Variants in EPHA5 observed in about 807,000 individuals in gnomAD.
EPHA5 encodes the protein ephrin type-A receptor 5.
EPHA5 carries 60 observed loss-of-function variants against 105.0 expected under a neutral mutation model. The observed-to-expected ratio is 0.57, with a 90% CI of 0.46 to 0.71. The LOEUF is 0.71. Ranked by LOEUF, EPHA5 falls within the 30% of genes least tolerant of loss-of-function variation. EPHA5 has a pLI of 0.00. For synonymous variants in EPHA5, 513 were observed against 449.1 expected (o/e 1.14, Z -1.80); for missense variants, 1,218 against 1,274.7 (o/e 0.96, Z 0.68).
intron 11 of EPHA5, among the ~76,000 whole-genome samples, chr4:65,358,391 C>T (rs1723509855): frequency 1.3e-5 from 2 of 151,432 alleles, no homozygotes; most frequent in Admixed American, 1.3e-4. Flanking sequence ...AAAAGTAAGC[C>T]TCTGCTTATA....
chr4:65,364,068 C>T (rs879543445), intron 11 of EPHA5, among the ~76,000 whole-genome samples: 4 of 151,544 alleles, frequency 2.6e-5, no homozygotes, highest in South Asian at 2.1e-4. Flanking sequence ...CCAGAAATGC[C>T]GTGTCTGGGT....
At chr4:65,391,415 T>C (rs903970809) in intron 8 of EPHA5, among the ~76,000 whole-genome samples, 1 of 152,130 alleles carries the variant, frequency 6.6e-6, no homozygotes, top group Non-Finnish European at 1.5e-5. Context: ...TGTAAGACCT[T>C]ATAAAGCACA....
intron 2 of EPHA5, among the ~76,000 whole-genome samples, chr4:65,627,836 G>C (rs1297360476): frequency 1.3e-5 from 2 of 152,102 alleles, no homozygotes. Context: ...AATAATTCTA[G>C]TGTTAATATC....
At chr4:65,655,174 A>G (rs1748946908) in intron 1 of EPHA5, among the ~76,000 whole-genome samples, 1 of 151,968 alleles carries the variant, frequency 6.6e-6, no homozygotes, top group Admixed American at 6.6e-5. Context: ...TAACAATAGA[A>G]ACCATTTATA....
intron 7 of EPHA5, among the ~76,000 whole-genome samples, chr4:65,409,965 C>T (rs77270856): frequency 2.0e-3 from 298 of 152,172 alleles, no homozygotes; most frequent in African/African-American, 6.9e-3. Flanking sequence ...CTGGTGGAAA[C>T]GGAAAATGAT....
intron 5 of EPHA5, among the ~76,000 whole-genome samples, chr4:65,476,458 T>C (rs1400468111): frequency 6.6e-6 from 1 of 152,058 alleles, no homozygotes; most frequent in African/African-American, 2.4e-5. Flanking sequence ...TGGAGGCCAT[T>C]TTCCTAAGCA....
chr4:65,550,239 A>C (rs1437769307), intron 3 of EPHA5, among the ~76,000 whole-genome samples: 2 of 152,090 alleles, frequency 1.3e-5, no homozygotes, highest in African/African-American at 2.4e-5. Context: ...TAAGCTACTA[A>C]TTCTTTAAAA....
chr4:65,405,466 A>C (rs1355987480), intron 7 of EPHA5, among the ~76,000 whole-genome samples: 1 of 152,120 alleles, frequency 6.6e-6, no homozygotes, highest in African/African-American at 2.4e-5. Context: ...TCACAACCCC[A>C]TACCAGATGT....
intron 3 of EPHA5, among the ~76,000 whole-genome samples, chr4:65,599,073 T>C (rs1197091900): frequency 1.3e-5 from 2 of 152,036 alleles, no homozygotes; most frequent in Non-Finnish European, 2.9e-5. Context: ...AAGTCATTCA[T>C]TAAATTTGAA....
intron 8 of EPHA5, chr4:65,377,023 C>A (rs777294375): frequency 2.5e-6 from 4 of 1,608,734 alleles, no homozygotes; most frequent in Non-Finnish European, 3.4e-6. Context: ...TGGGCAACAG[C>A]GCACAGGGAA....
intron 8 of EPHA5, among the ~76,000 whole-genome samples, chr4:65,393,041 G>T (rs1720878343): frequency 6.6e-6 from 1 of 152,126 alleles, no homozygotes; most frequent in South Asian, 2.1e-4. Flanking sequence ...GAATACTTTG[G>T]CTAAAGGGAT....
At chr4:65,611,897 A>T (rs564290762) in intron 2 of EPHA5, among the ~76,000 whole-genome samples, 8 of 151,698 alleles carry the variant, frequency 5.3e-5, no homozygotes, top group Non-Finnish European at 1.2e-4. Flanking sequence ...AGTATTAAAG[A>T]CATTCTATAG....
At chr4:65,356,297 A>T (rs1212619246) in intron 11 of EPHA5, among the ~76,000 whole-genome samples, 1 of 151,480 alleles carries the variant, frequency 6.6e-6, no homozygotes, top group East Asian at 1.9e-4. Flanking sequence ...AGTGGTAAAT[A>T]TGACCACTGC....
intron 1 of EPHA5, among the ~76,000 whole-genome samples, chr4:65,660,864 T>C (rs1749498296): frequency 6.6e-6 from 1 of 152,062 alleles, no homozygotes; most frequent in Non-Finnish European, 1.5e-5. Flanking sequence ...ACTTGCAAAG[T>C]AGAATATTTT....
At chr4:65,498,551 T>A (rs531698376) in intron 3 of EPHA5, among the ~76,000 whole-genome samples, 1 of 151,922 alleles carries the variant, frequency 6.6e-6, no homozygotes, top group African/African-American at 2.4e-5. Context: ...CCAGAGTGGT[T>A]CCAGTAGTGA....
intron 5 of EPHA5, among the ~76,000 whole-genome samples, chr4:65,466,386 G>A (rs1403767209): frequency 2.0e-5 from 3 of 152,192 alleles, no homozygotes; most frequent in African/African-American, 4.8e-5. Context: ...ATTGGGAGAC[G>A]AGGTCAGTCA....
At chr4:65,502,132 C>A (rs1421045812) in intron 3 of EPHA5, among the ~76,000 whole-genome samples, 1 of 151,614 alleles carries the variant, frequency 6.6e-6, no homozygotes, top group African/African-American at 2.4e-5. Flanking sequence ...AATTTCATGT[C>A]TCAAACTATA....
At chr4:65,556,249 G>C (rs994160756) in intron 3 of EPHA5, among the ~76,000 whole-genome samples, 1 of 152,122 alleles carries the variant, frequency 6.6e-6, no homozygotes, top group Admixed American at 6.6e-5. Flanking sequence ...ACAGCCTCAA[G>C]AGACTTTGCA....
At chr4:65,577,529 C>T (rs1269730313) in intron 3 of EPHA5, among the ~76,000 whole-genome samples, 1 of 152,052 alleles carries the variant, frequency 6.6e-6, no homozygotes, top group African/African-American at 2.4e-5. Flanking sequence ...GAAACCAATA[C>T]AGGAAAAACC....
Sources: allele counts gnomAD v4.1 joint callset (sites outside exome capture counted in the v4.1 genomes callset), GRCh38; gene constraint gnomAD v4.1.1; transcripts MANE v1.5; gene names NCBI Gene and HGNC (gene_info 2026-07-23, HGNC 2026-07-21).